APLF: variants seen among roughly 807,000 people sequenced by gnomAD.
APLF encodes the protein aprataxin and PNK-like factor.
In APLF, 61 loss-of-function variants were observed where a neutral mutation model predicts 55.6. That is an observed-to-expected ratio of 1.10 (90% CI 0.89 to 1.36). The LOEUF (loss-of-function observed/expected upper bound fraction) is 1.36, where lower values mean the gene tolerates loss of function less well. Ranked by LOEUF, APLF falls within the 40% of genes most tolerant of loss-of-function variation. APLF has a pLI of 0.00. For synonymous variants in APLF, 207 were observed against 214.8 expected, an observed-to-expected ratio of 0.96 and a Z score of 0.32; for missense variants, 611 against 602.5, an observed-to-expected ratio of 1.01 and a Z score of -0.15.
intron 5 of APLF, among the ~76,000 whole-genome samples, chr2:68,524,695 A>G (rs1669982524): frequency 6.6e-6 from 1 of 152,238 alleles, no homozygotes; most frequent in South Asian, 2.1e-4. Flanking sequence ...ATCTTTGGAC[A>G]AATTGTTTAT....
rs1291225241 is a variant in APLF at position 68,529,955 on chromosome 2, G to A, written c.804+3713G>A. Among the ~76,000 whole-genome samples the A allele has an allele frequency of 1.3e-5, 2 of 152,236 alleles. No homozygotes were observed. The highest frequency in any genetic ancestry group is 2.4e-5 in the African/African-American group (1 of 41,456). On this transcript the variant is annotated intron_variant, in intron 6 of 9. Transcript: ENST00000303795. This position sits in a 1 kb window ranked among gnomAD's most constrained non-coding sequence, Gnocchi z 4.4. Reference sequence around the variant, plus strand: ...CCTCTCCAGTGCCTCTGTGCCGCCTGGAGCCAGGCCCGCCTTCTCCATGGC... The same window carrying A: ...CCTCTCCAGTGCCTCTGTGCCGCCTAGAGCCAGGCCCGCCTTCTCCATGGC...
chr2:68,491,800 C>A (rs558471687), intron 2 of APLF, among the ~76,000 whole-genome samples: 2 of 152,164 alleles, frequency 1.3e-5, no homozygotes, highest in Non-Finnish European at 2.9e-5. Flanking sequence ...CCTTCTGAGT[C>A]TCCAGTGTCT....
chr2:68,543,853 T>C (rs867831002), intron 7 of APLF, among the ~76,000 whole-genome samples: 1 of 152,208 alleles, frequency 6.6e-6, no homozygotes, highest in Non-Finnish European at 1.5e-5. Flanking sequence ...AGTATATATT[T>C]TCATTTAAGT....
At chr2:68,542,484 G>A (rs770107736) in intron 7 of APLF, among the ~76,000 whole-genome samples, 2 of 149,742 alleles carry the variant, frequency 1.3e-5, no homozygotes, top group Non-Finnish European at 2.9e-5. Flanking sequence ...TTGAAATTGG[G>A]GACAGAACTT....
At chr2:68,510,893 CATT>C (rs1677029895) in intron 3 of APLF, among the ~76,000 whole-genome samples, 1 of 151,664 alleles carries the variant, frequency 6.6e-6, no homozygotes, top group Non-Finnish European at 1.5e-5. Context: ...AATCTTGAAA[CATT>C]ATGCTAAGTA....
intron 8 of APLF, among the ~76,000 whole-genome samples, chr2:68,548,484 A>G (rs531274748): frequency 6.6e-6 from 1 of 152,040 alleles, no homozygotes; most frequent in Non-Finnish European, 1.5e-5. Context: ...ACTCAGTGTC[A>G]TTAGTAATCA....
At chr2:68,549,843 A>G (rs2104026325) in intron 8 of APLF, among the ~76,000 whole-genome samples, 1 of 152,272 alleles carries the variant, frequency 6.6e-6, no homozygotes, top group South Asian at 2.1e-4. Context: ...CCTCAGTGAA[A>G]AAGCCATAAA....
At chr2:68,577,684 C>T (rs561407284) in intron 9 of APLF, 136 bp from the exon 10 acceptor site, 40 of 1,040,768 alleles carry the variant, frequency 3.8e-5, no homozygotes, top group Middle Eastern at 4.5e-4. Flanking sequence ...AGTGCCGTTT[C>T]CAGAAATTTG....
chr2:68,544,602 A>C (rs977164533), intron 7 of APLF, among the ~76,000 whole-genome samples: 9 of 152,164 alleles, frequency 5.9e-5, no homozygotes, highest in African/African-American at 2.2e-4. Flanking sequence ...CTCATTTATA[A>C]TTTCTAATAG....
chr2:68,554,526 C>G (rs1670951772), intron 8 of APLF, among the ~76,000 whole-genome samples: 1 of 152,050 alleles, frequency 6.6e-6, no homozygotes, highest in African/African-American at 2.4e-5. Flanking sequence ...TCTACCTATC[C>G]ATGAACGTGG....
rs548046767 is a variant in APLF at position 68,467,727 on chromosome 2, C to T, written c.-5C>T. On this transcript the variant is annotated 5_prime_UTR_variant, in exon 1 of 10. Transcript: ENST00000303795. ...CCTGGCGAAGGGGCCTAATCCTTGC[C>T]CGCCATGTCCGGGGGCTTCGAGCTG... The T allele has an allele frequency of 6.5e-6, 8 of 1,234,904 alleles. No individual in the cohort carries two copies. The Admixed American group carries it at 1.3e-4, about 20-fold the overall frequency. 76.5% of individuals were successfully genotyped at this position (1,234,904 alleles called of 1,614,324 possible). A position where few individuals can be genotyped will look rare whatever the true frequency, so the allele number is the denominator to read the frequency against.
At chr2:68,474,055 G>A (rs796273921) in intron 1 of APLF, among the ~76,000 whole-genome samples, 30 of 152,286 alleles carry the variant, frequency 2.0e-4, no homozygotes, top group African/African-American at 6.7e-4. Flanking sequence ...CTATTAATTT[G>A]CTAGAGCAGC....
chr2:68,484,165 T>C (rs1676055719), intron 1 of APLF, among the ~76,000 whole-genome samples: 1 of 142,034 alleles, frequency 7.0e-6, no homozygotes. Context: ...AATAAGTATT[T>C]GGTAACAGAT....
intron 7 of APLF, among the ~76,000 whole-genome samples, chr2:68,543,102 A>G (rs1670604271): frequency 6.6e-6 from 1 of 152,186 alleles, no homozygotes; most frequent in Non-Finnish European, 1.5e-5. Flanking sequence ...AGTTAGATTC[A>G]TAAAAACAAA....
Position 68,578,190 on chromosome 2 carries a change from A to G in APLF, c.*168A>G. ...AGACATTGAAACGTCAGCCTTCAGT[A>G]TAATAGATGGAATTTTTTGTTGCCT... On this transcript the variant is annotated 3_prime_UTR_variant, in exon 10 of 10. Coordinates refer to ENST00000303795, the MANE Select transcript of APLF (RefSeq NM_173545.3). 7.3e-7 allele frequency: 1 copy of G among 1,370,614 alleles called. No individual in the cohort carries two copies. The highest frequency in any genetic ancestry group is 2.7e-5 in the East Asian group (1 of 36,536). The allele number at this position is 1,370,614 out of a possible 1,614,324, so 84.9% of individuals were successfully genotyped here.
intron 1 of APLF, among the ~76,000 whole-genome samples, chr2:68,468,390 C>A (rs182694297): frequency 1.6e-4 from 24 of 152,132 alleles, no homozygotes; most frequent in African/African-American, 5.5e-4. Flanking sequence ...AGTAGCTAAC[C>A]CTTCATAAGT....
At chr2:68,535,253 AT>A in intron 6 of APLF, 1 of 405,716 alleles carries the variant, frequency 2.5e-6, no homozygotes, top group Non-Finnish European at 5.0e-6. Context: ...TCATTGGCTT[AT>A]TTTTTATTTT....
chr2:68,489,230 G>C (rs1291727781), intron 1 of APLF, among the ~76,000 whole-genome samples: 1 of 152,184 alleles, frequency 6.6e-6, no homozygotes, highest in East Asian at 1.9e-4. Flanking sequence ...CACATTTTTT[G>C]TGGAACTAAT....
chr2:68,517,868 TAG>T lies in APLF; in HGVS notation c.622+4189_622+4190del, dbSNP rs573362340. On this transcript the variant is annotated intron_variant, in intron 5 of 9. Coordinates refer to ENST00000303795, the MANE Select transcript of APLF (RefSeq NM_173545.3). ...TATATCACTAATATGTGTTAATATATAGCAGTAATATATCACTAATATGTGTT... is the reference window on the plus strand; with the variant it reads ...TATATCACTAATATGTGTTAATATATCAGTAATATATCACTAATATGTGTT... Among the ~76,000 whole-genome samples, 14 of 144,750 alleles carry T rather than the reference TAG, an allele frequency of 9.7e-5. 1 individual carries two copies. In the South Asian group the frequency reaches 3.1e-3, roughly 32 times the overall value. The allele number at this position is 144,750 out of a possible 152,430, so 95.0% of individuals were successfully genotyped here.
Sources: allele counts gnomAD v4.1 joint callset (sites outside exome capture counted in the v4.1 genomes callset), GRCh38; gene constraint gnomAD v4.1.1; non-coding constraint Gnocchi (gnomAD v3.1); transcripts MANE v1.5; gene names NCBI Gene and HGNC (gene_info 2026-07-23, HGNC 2026-07-21).